Variants in MACROD2 observed in about 807,000 individuals in gnomAD.
MACROD2 encodes the protein mono-ADP ribosylhydrolase 2.
MACROD2 carries 36 observed loss-of-function variants against 70.4 expected under a neutral mutation model. The observed-to-expected ratio is 0.51, with a 90% CI of 0.39 to 0.68. The LOEUF (loss-of-function observed/expected upper bound fraction) is 0.68, where lower values mean the gene tolerates loss of function less well. Among genes scored for constraint, MACROD2 ranks in the 30% least tolerant of loss-of-function variants. The pLI is 0.00. For missense variants in MACROD2, 496 were observed against 538.4 expected, an observed-to-expected ratio of 0.92 and a Z score of 0.78; for synonymous variants, 172 against 178.8, an observed-to-expected ratio of 0.96 and a Z score of 0.30.
chr20:15,683,040 G>A (rs1487564053), intron 8 of MACROD2, among the ~76,000 whole-genome samples: 1 of 152,178 alleles, frequency 6.6e-6, no homozygotes, highest in Non-Finnish European at 1.5e-5. Context: ...AATAGAATCA[G>A]AGATTGATGA....
chr20:14,167,547 C>A (rs2055285597), intron 3 of MACROD2, among the ~76,000 whole-genome samples: 1 of 151,584 alleles, frequency 6.6e-6, no homozygotes, highest in Non-Finnish European at 1.5e-5. Context: ...CCATGCCCAG[C>A]TAATTTTTGT....
At chr20:14,743,507 G>A (rs2071760905) in intron 5 of MACROD2, among the ~76,000 whole-genome samples, 1 of 152,114 alleles carries the variant, frequency 6.6e-6, no homozygotes, top group Non-Finnish European at 1.5e-5. Flanking sequence ...CAAGGATTAT[G>A]GGCAGACTCT....
intron 6 of MACROD2, among the ~76,000 whole-genome samples, chr20:15,344,163 T>G (rs867904807): frequency 6.6e-6 from 1 of 152,216 alleles, no homozygotes; most frequent in Non-Finnish European, 1.5e-5. Context: ...GATGAATACC[T>G]AAATATAATT....
At chr20:14,881,203 C>A (rs1225233605) in intron 5 of MACROD2, among the ~76,000 whole-genome samples, 1 of 151,422 alleles carries the variant, frequency 6.6e-6, no homozygotes, top group Non-Finnish European at 1.5e-5. Context: ...TCTCTTCCTG[C>A]TGGAATTACA....
At chr20:14,213,545 C>T (rs2081589074) in intron 3 of MACROD2, among the ~76,000 whole-genome samples, 1 of 151,368 alleles carries the variant, frequency 6.6e-6, no homozygotes, top group Admixed American at 6.6e-5. Context: ...TAGCAAGCAA[C>T]CTTGTTGAAC....
At chr20:15,108,787 A>G (rs2075931519) in intron 5 of MACROD2, among the ~76,000 whole-genome samples, 1 of 152,172 alleles carries the variant, frequency 6.6e-6, no homozygotes, top group Admixed American at 6.5e-5. Context: ...GAAGAGTGAT[A>G]GTCTCACCAT....
chr20:14,651,705 G>A (rs999339860), intron 4 of MACROD2, among the ~76,000 whole-genome samples: 1 of 152,142 alleles, frequency 6.6e-6, no homozygotes, highest in Non-Finnish European at 1.5e-5. Flanking sequence ...ATTCCTGGAG[G>A]AGGATATATG....
chr20:14,370,120 G>GC (rs1415995487), intron 3 of MACROD2, among the ~76,000 whole-genome samples: 5 of 152,236 alleles, frequency 3.3e-5, no homozygotes, highest in African/African-American at 1.2e-4. Flanking sequence ...TTATGAAAAT[G>GC]TGATTTTAAA....
At chr20:14,364,106 T>A (rs913074967) in intron 3 of MACROD2, among the ~76,000 whole-genome samples, 1 of 152,186 alleles carries the variant, frequency 6.6e-6, no homozygotes, top group Non-Finnish European at 1.5e-5. Context: ...GAATTCTTGA[T>A]AATGGTACTC....
intron 8 of MACROD2, among the ~76,000 whole-genome samples, chr20:15,562,387 A>G (rs1009824338): frequency 2.0e-5 from 3 of 152,212 alleles, no homozygotes; most frequent in African/African-American, 7.2e-5. Context: ...ATTTTCCACC[A>G]CATTTCTTGC....
chr20:14,801,165 T>C (rs2072570974), intron 5 of MACROD2, among the ~76,000 whole-genome samples: 2 of 152,210 alleles, frequency 1.3e-5, no homozygotes, highest in South Asian at 2.1e-4. Flanking sequence ...GGGATATTTG[T>C]TTTCTTCCCA....
chr20:14,331,914 GA>G (rs1482238919), intron 3 of MACROD2, among the ~76,000 whole-genome samples: 4 of 152,086 alleles, frequency 2.6e-5, no homozygotes, highest in Non-Finnish European at 5.9e-5. Context: ...ACTGACTTCA[GA>G]GCCTTTCTGT....
chr20:15,005,813 G>C (rs2075031129), intron 5 of MACROD2, among the ~76,000 whole-genome samples: 2 of 152,118 alleles, frequency 1.3e-5, no homozygotes, highest in South Asian at 4.1e-4. Context: ...CTGGTTGGCT[G>C]CTTGTGGAAC....
intron 4 of MACROD2, among the ~76,000 whole-genome samples, chr20:14,496,547 T>C (rs1253083612): frequency 6.6e-6 from 1 of 152,226 alleles, no homozygotes; most frequent in Non-Finnish European, 1.5e-5. Context: ...AGATTTACTT[T>C]ACATTGATGT....
At chr20:14,991,811 C>T (rs1181989191) in intron 5 of MACROD2, among the ~76,000 whole-genome samples, 1 of 152,150 alleles carries the variant, frequency 6.6e-6, no homozygotes, top group Non-Finnish European at 1.5e-5. Context: ...ATCTAATTTG[C>T]ACCGCCTTAA....
intron 3 of MACROD2, among the ~76,000 whole-genome samples, chr20:14,476,044 T>G (rs997061317): frequency 6.6e-6 from 1 of 151,928 alleles, no homozygotes; most frequent in Non-Finnish European, 1.5e-5. Flanking sequence ...AGTCATGAGA[T>G]TAACAACTTT....
At chr20:14,912,128 C>T (rs190662711) in intron 5 of MACROD2, among the ~76,000 whole-genome samples, 1 of 152,284 alleles carries the variant, frequency 6.6e-6, no homozygotes, top group East Asian at 1.9e-4. Flanking sequence ...CCATCCTCAA[C>T]TCTAGGGATC....
chr20:15,605,325 A>AC (rs1555847103), intron 8 of MACROD2, among the ~76,000 whole-genome samples: 1 of 151,470 alleles, frequency 6.6e-6, no homozygotes, highest in East Asian at 1.9e-4. Context: ...TGTAATATAG[A>AC]TTTTTTTTTC....
chr20:14,189,243 A>G (rs2081366798), intron 3 of MACROD2, among the ~76,000 whole-genome samples: 1 of 152,224 alleles, frequency 6.6e-6, no homozygotes, highest in African/African-American at 2.4e-5. Flanking sequence ...ATAATGTTAA[A>G]AAAACTCCAC....
Sources: gnomAD v4.1 joint callset for allele counts (sites outside exome capture counted in the v4.1 genomes callset) on GRCh38, gnomAD v4.1.1 for gene constraint, MANE v1.5 for transcripts, NCBI Gene and HGNC (gene_info 2026-07-23, HGNC 2026-07-21) for gene names.